The following DRC1 variants were observed in gnomAD, a reference collection of about 807,000 sequenced individuals.
DRC1 encodes the protein dynein regulatory complex protein 1.
DRC1 carries 74 observed loss-of-function variants against 98.7 expected under a neutral mutation model. The ratio of observed to expected loss-of-function variants is 0.75; its 90% CI spans 0.62 to 0.91. The LOEUF (loss-of-function observed/expected upper bound fraction) is 0.91. DRC1 is among the 40% of genes least tolerant of loss of function. DRC1 has a pLI of 0.00. For missense variants in DRC1, 875 were observed against 886.0 expected, an observed-to-expected ratio of 0.99 and a Z score of 0.16; for synonymous variants, 336 against 334.1, an observed-to-expected ratio of 1.01 and a Z score of -0.06.
At chr2:26,417,074 GT>G (rs1486847681) in intron 2 of DRC1, among the ~76,000 whole-genome samples, 1 of 152,078 alleles carries the variant, frequency 6.6e-6, no homozygotes, top group African/African-American at 2.4e-5. Context: ...CAAGAGGATG[GT>G]GCTAAACTAT....
rs529155088 is a variant in DRC1, at chr2:26,455,055, A to G, written c.2064-76A>G. The G allele has an allele frequency of 4.1e-5, 63 of 1,541,618 alleles. No individual in the cohort carries two copies. The South Asian group carries it at 5.9e-4, about 15-fold the overall frequency. On this transcript the variant is annotated intron_variant, in intron 15 of 16. Coordinates refer to ENST00000288710, the MANE Select transcript of DRC1 (RefSeq NM_145038.5). ...TCCCTCCACCTGTAGCCAAAGTACA[A>G]CCACCAAGACCCTGGCCCCTACTTG...
At chr2:26,429,230 T>A (rs1663366463) in intron 4 of DRC1, among the ~76,000 whole-genome samples, 1 of 146,812 alleles carries the variant, frequency 6.8e-6, no homozygotes. Context: ...TTATTATTAT[T>A]ATTGAGACAG....
intron 10 of DRC1, among the ~76,000 whole-genome samples, chr2:26,446,900 T>C (rs959346882): frequency 1.3e-5 from 2 of 151,670 alleles, no homozygotes; most frequent in Non-Finnish European, 2.9e-5. Context: ...GAGACCAGCC[T>C]GGCCAACATG....
intron 5 of DRC1, 164 bp from the exon 6 acceptor site, chr2:26,430,622 C>G: frequency 1.3e-6 from 1 of 766,298 alleles, no homozygotes; most frequent in African/African-American, 1.7e-5. Context: ...GCAGCTCCTT[C>G]CATAGCCATT....
chr2:26,429,182 GATGATTATTATTATTATT>G (rs1344751616), intron 4 of DRC1, among the ~76,000 whole-genome samples: 3,784 of 146,080 alleles, frequency 0.026, 96 homozygotes, highest in African/African-American at 0.038. Context: ...TCTTTGTACA[GATGATTATTATTATTATT>G]ATTATTATTA....
intron 4 of DRC1, among the ~76,000 whole-genome samples, chr2:26,425,366 G>A (rs1338702184): frequency 6.6e-6 from 1 of 152,192 alleles, no homozygotes; most frequent in African/African-American, 2.4e-5. Flanking sequence ...GCTTTTGTGA[G>A]TAATGCTGCT....
Position 26,421,318 on chromosome 2 carries a change from G to A in DRC1, c.274G>A (p.Glu92Lys), listed in dbSNP as rs748397280. The stretch of plus-strand genomic sequence containing the variant: ...GGCTAAACTTCTGCTCTGTGGCACC[G>A]AGTTGGTGACAAATATCCAGGTGGC... ...KLAKLLLCGT[E>K]LVTNIQVAID... Residue 92 changes from glutamate (E) to lysine (K), a missense_variant, in exon 3 of 17, where the codon GAG becomes AAG. By Grantham distance (56) the Glu-to-Lys change is moderately conservative (BLOSUM62 1). Transcript: ENST00000288710. 24 of 1,613,588 alleles carry A rather than the reference G, an allele frequency of 1.5e-5. No homozygotes were observed. In the South Asian group the frequency reaches 1.5e-4, roughly 10 times the overall value.
intron 4 of DRC1, among the ~76,000 whole-genome samples, chr2:26,425,258 C>T (rs963295932): frequency 3.3e-5 from 5 of 152,188 alleles, no homozygotes; most frequent in Non-Finnish European, 5.9e-5. Context: ...GACTGCCTTC[C>T]TTTTTAAGGC....
intron 3 of DRC1, 104 bp downstream of exon 3, chr2:26,421,504 T>C: frequency 1.3e-6 from 1 of 772,932 alleles, no homozygotes; most frequent in Admixed American, 2.7e-5. Context: ...CCTTAGACAA[T>C]TCCCTTCCTG....
intron 8 of DRC1, among the ~76,000 whole-genome samples, chr2:26,440,781 C>A (rs1044247960): frequency 6.6e-6 from 1 of 152,296 alleles, no homozygotes; most frequent in African/African-American, 2.4e-5. Context: ...TTTCATTAGG[C>A]ATATACAAGC....
At chr2:26,450,742 T>G in intron 13 of DRC1, 61 bp downstream of exon 13, 1 of 1,306,724 alleles carries the variant, frequency 7.7e-7, no homozygotes, top group East Asian at 2.8e-5. Context: ...TTATTTATTT[T>G]ATTATACTTT....
chr2:26,418,668 AAATT>A (rs1678925790), intron 2 of DRC1, among the ~76,000 whole-genome samples: 2 of 88,776 alleles, frequency 2.3e-5, no homozygotes, highest in African/African-American at 9.8e-5. Flanking sequence ...TATATTATAT[AAATT>A]AAATATAATT....
rs140942079 is a variant in DRC1 at position 26,429,317 on chromosome 2, G to A, written c.541-311G>A. On this transcript the variant is annotated intron_variant, in intron 4 of 16. Coordinates refer to ENST00000288710, the MANE Select transcript of DRC1 (RefSeq NM_145038.5). ...TGTAGCCTTGACCTTCTGGGCTCAAGCGATCCTCCCACCTCAGCCTCCCAA... is the reference window on the plus strand; with the variant it reads ...TGTAGCCTTGACCTTCTGGGCTCAAACGATCCTCCCACCTCAGCCTCCCAA... Among the ~76,000 whole-genome samples the A allele has an allele frequency of 0.014, 2,187 of 151,982 alleles. 31 individuals are homozygous for A. Among genetic ancestry groups the A allele is most frequent in the Non-Finnish European group, 0.022 (1,481 of 67,990 alleles).
chr2:26,408,815 CG>C (rs535412715), intron 1 of DRC1, among the ~76,000 whole-genome samples: 4 of 152,160 alleles, frequency 2.6e-5, no homozygotes, highest in Admixed American at 2.6e-4. Context: ...ACACTAACAT[CG>C]GGTTTGCTCA....
chr2:26,414,401 G>C lies in DRC1; in HGVS notation c.213G>C (p.Lys71Asn). The change falls in exon 2 of 17, where the codon AAG becomes AAC. Residue 71 changes from lysine (K) to asparagine (N), a missense_variant. Transcript: ENST00000288710. ...GKKESEEDQS[K>N]SYKQKEESRL... ...AGGAGAGTGAGGAGGATCAAAGCAA[G>C]AGCTACAAACAGAAAGAAGAAAGCC... The C allele has an allele frequency of 6.2e-7, 1 of 1,613,930 alleles. No homozygotes were observed. The highest frequency in any genetic ancestry group is 8.5e-7 in the Non-Finnish European group (1 of 1,179,938).
chr2:26,421,403 A>C lies in DRC1; in HGVS notation c.356+3A>C. 6.2e-7 allele frequency: 1 copy of C among 1,611,736 alleles called. No individual in the cohort carries two copies. The highest frequency in any genetic ancestry group is 8.5e-7 in the Non-Finnish European group (1 of 1,178,324). ...GAAGAGGAGATAAAGCGTCAAAGGT[A>C]AGGACTGTGCTACTCTGCAGCTGGT... On this transcript the variant is annotated splice_donor_region_variant and intron_variant, in intron 3 of 16. Transcript: ENST00000288710.
chr2:26,449,698 G>GTT (rs1213155647), intron 11 of DRC1, among the ~76,000 whole-genome samples: 1 of 152,224 alleles, frequency 6.6e-6, no homozygotes, highest in Non-Finnish European at 1.5e-5. Context: ...GGCCTCAGGA[G>GTT]TTTGCCTAGT....
intron 7 of DRC1, among the ~76,000 whole-genome samples, chr2:26,434,486 T>G (rs945942775): frequency 1.3e-5 from 2 of 152,042 alleles, no homozygotes; most frequent in Admixed American, 6.6e-5. Context: ...AGAATATTAA[T>G]CCCCCCAAAT....
rs372797665 is a variant in DRC1, at chr2:26,455,148, G to A, written c.2081G>A (p.Arg694Lys). The change falls in exon 16 of 17, where the codon AGG (arginine) becomes AAG (lysine). Residue 694 changes from arginine (R) to lysine (K), a missense_variant. Coordinates refer to ENST00000288710, the MANE Select transcript of DRC1 (RefSeq NM_145038.5). ...LEKYHLVLTQ[R>K]AKLLLENSSL... is the part of the protein sequence containing the mutation. ...GTCCAAAGCCTTGTCCTGACCCAGA[G>A]GGCCAAGCTGCTGCTGGAAAACAGT... 2.5e-6 allele frequency: 4 copies of A among 1,613,980 alleles called. No homozygotes were observed. Among genetic ancestry groups the A allele is most frequent in the South Asian group, 1.1e-5 (1 of 91,080 alleles).
Sources: gnomAD v4.1 joint callset for allele counts (sites outside exome capture counted in the v4.1 genomes callset) on GRCh38, gnomAD v4.1.1 for gene constraint, MANE v1.5 for transcripts, NCBI Gene and HGNC (gene_info 2026-07-23, HGNC 2026-07-21) for gene names.